TFAP2B: variants seen among roughly 807,000 people sequenced by gnomAD.
TFAP2B encodes transcription factor AP-2 beta.
TFAP2B carries 9 observed loss-of-function variants against 44.3 expected under a neutral mutation model. The ratio of observed to expected loss-of-function variants is 0.20; its 90% confidence interval spans 0.12 to 0.35. The LOEUF (loss-of-function observed/expected upper bound fraction) is 0.35. TFAP2B is among the 10% of genes least tolerant of loss of function. The pLI is 1.00. For synonymous variants in TFAP2B, 270 were observed against 263.8 expected (o/e 1.02, Z -0.23); for missense variants, 509 against 600.0 (o/e 0.85, Z 1.59).
rs780181567 is a variant in TFAP2B, at chr6:50,823,443, C to T, written c.118C>T (p.Leu40Phe). The T allele has an allele frequency of 1.2e-6, 2 of 1,607,434 alleles. No homozygotes were observed. Among genetic ancestry groups the T allele is most frequent in the East Asian group, 4.5e-5 (2 of 44,438 alleles). The change falls in exon 2 of 7, where the codon CTC (leucine) becomes TTC (phenylalanine). Residue 40 changes from leucine to phenylalanine, a missense_variant. Coordinates refer to ENST00000393655, the MANE Select transcript of TFAP2B (RefSeq NM_003221.4). Reference sequence around the variant, plus strand: ...TGGTGTCCCGAGCCACAGCTCGCGGCTCTCCCAGCTGGGCTCGGTGTCCCA... The same window carrying T: ...TGGTGTCCCGAGCCACAGCTCGCGGTTCTCCCAGCTGGGCTCGGTGTCCCA... ...HDGVPSHSSR[L>F]SQLGSVSQGP...
At chr6:50,842,239 C>CGA (rs1433062479) in intron 6 of TFAP2B, among the ~76,000 whole-genome samples, 3 of 152,238 alleles carry the variant, frequency 2.0e-5, no homozygotes, top group Admixed American at 2.0e-4. Flanking sequence ...AGAACCATCC[C>CGA]ATCCAGCTCC....
rs1011830123 is a variant in TFAP2B, at chr6:50,845,379, T to C, written c.*1987T>C. 1 of 152,120 alleles carries C rather than the reference T, an allele frequency of 6.6e-6. No homozygotes were observed. The highest frequency in any genetic ancestry group is 2.4e-5 in the African/African-American group (1 of 41,410). 9.4% of individuals were successfully genotyped at this position (152,120 alleles called of 1,614,324 possible). A position where few individuals can be genotyped will look rare whatever the true frequency, so the allele number is the denominator to read the frequency against. On this transcript the variant is annotated 3_prime_UTR_variant, in exon 7 of 7. Coordinates refer to ENST00000393655, the MANE Select transcript of TFAP2B (RefSeq NM_003221.4). Reference sequence around the variant, plus strand: ...AGGAATCTGCTGAGAGCTTTGCCCATTTTTATTAAAAGAGGAAAGGGAAGT... The same window carrying C: ...AGGAATCTGCTGAGAGCTTTGCCCACTTTTATTAAAAGAGGAAAGGGAAGT...
intron 5 of TFAP2B, 146 bp downstream of exon 5, chr6:50,838,239 G>T: frequency 1.3e-6 from 1 of 757,172 alleles, no homozygotes; most frequent in East Asian, 2.6e-5. Context: ...TCTTGAGAGA[G>T]GTTCAAAGGT....
In TFAP2B at chr6:50,845,619, T is replaced by C. The variant is rs2817420; in HGVS notation, c.*2227T>C. On this transcript the variant is annotated 3_prime_UTR_variant, in exon 7 of 7. Coordinates refer to ENST00000393655, the MANE Select transcript of TFAP2B (RefSeq NM_003221.4). ...GAGGCCTGCGCCTTCGTCCGAGAGCTCGGCCGATCGCATTAGATGTGTTCT... is the reference window on the plus strand; with the variant it reads ...GAGGCCTGCGCCTTCGTCCGAGAGCCCGGCCGATCGCATTAGATGTGTTCT... The C allele has an allele frequency of 0.9, 136,738 of 152,762 alleles. 61,439 individuals carry two copies. The highest frequency in any genetic ancestry group is 1 in the East Asian group (5,139 of 5,146). 9.5% of individuals were successfully genotyped at this position (152,762 alleles called of 1,614,324 possible). A position where few individuals can be genotyped will look rare whatever the true frequency, so the allele number is the denominator to read the frequency against.
Position 50,844,564 on chromosome 6 carries a change from A to G in TFAP2B, c.*1172A>G, listed in dbSNP as rs1201111889. 6.5e-6 allele frequency: 1 copy of G among 152,674 alleles called. No individual in the cohort carries two copies. Among genetic ancestry groups the G allele is most frequent in the African/African-American group, 2.4e-5 (1 of 41,472 alleles). 9.5% of individuals were successfully genotyped at this position (152,674 alleles called of 1,614,324 possible). On this transcript the variant is annotated 3_prime_UTR_variant, in exon 7 of 7. Coordinates refer to ENST00000393655, the MANE Select transcript of TFAP2B (RefSeq NM_003221.4). ...AAGGGAATAATTTAGAAAGTGGCCAATATGATGGAAGCAGCTTTGAATCTA... is the reference window on the plus strand; with the variant it reads ...AAGGGAATAATTTAGAAAGTGGCCAGTATGATGGAAGCAGCTTTGAATCTA...
chr6:50,837,241 G>T (rs1215665734), intron 4 of TFAP2B, among the ~76,000 whole-genome samples: 2 of 152,184 alleles, frequency 1.3e-5, no homozygotes, highest in Non-Finnish European at 2.9e-5. Flanking sequence ...GAAATTAAGG[G>T]TGTGACCCAG....
chr6:50,820,709 G>A (rs1248562120), intron 1 of TFAP2B, among the ~76,000 whole-genome samples: 1 of 152,278 alleles, frequency 6.6e-6, no homozygotes, highest in Non-Finnish European at 1.5e-5. Flanking sequence ...AGCGCCCAAA[G>A]TGGGCATGAC....
intron 3 of TFAP2B, among the ~76,000 whole-genome samples, chr6:50,831,465 G>C (rs1396075458): frequency 6.6e-6 from 1 of 152,122 alleles, no homozygotes; most frequent in African/African-American, 2.4e-5. Flanking sequence ...AGTGGGCGGG[G>C]GGAGTAATGA....
intron 2 of TFAP2B, among the ~76,000 whole-genome samples, chr6:50,824,976 G>A (rs1402342314): frequency 6.6e-6 from 1 of 152,112 alleles, no homozygotes; most frequent in Non-Finnish European, 1.5e-5. Flanking sequence ...TACCTCTGAA[G>A]CAAAGGAAAA....
At chr6:50,824,693 T>A (rs1300874088) in intron 2 of TFAP2B, among the ~76,000 whole-genome samples, 2 of 152,204 alleles carry the variant, frequency 1.3e-5, no homozygotes, top group Non-Finnish European at 2.9e-5. Context: ...TGTTTATTTC[T>A]TAAAACAAAA....
At position 50,843,558 on chromosome 6, in the gene TFAP2B, A is replaced by T. The variant is rs1158952729; in HGVS notation, c.*166A>T. On this transcript the variant is annotated 3_prime_UTR_variant, in exon 7 of 7. Coordinates refer to ENST00000393655, the MANE Select transcript of TFAP2B (RefSeq NM_003221.4). The stretch of plus-strand genomic sequence containing the variant: ...AAAAAAGCTAAATAACTTAAAAAAA[A>T]ACTGAGGCGTACAACGGAGCAACAA... The T allele has an allele frequency of 3.9e-6, 3 of 769,420 alleles. No homozygotes were observed. The highest frequency in any genetic ancestry group is 4.1e-6 in the Non-Finnish European group (2 of 493,046). 47.7% of individuals were successfully genotyped at this position (769,420 alleles called of 1,614,324 possible). A position where few individuals can be genotyped will look rare whatever the true frequency, so the allele number is the denominator to read the frequency against.
chr6:50,822,234 T>G, intron 1 of TFAP2B: 1 of 1,169,628 alleles, frequency 8.5e-7, no homozygotes, highest in Non-Finnish European at 1.2e-6. Context: ...TGCGTCTCTG[T>G]GTGTGTGTGT....
intron 1 of TFAP2B, among the ~76,000 whole-genome samples, chr6:50,822,404 C>T (rs1770378577): frequency 6.6e-6 from 1 of 152,134 alleles, no homozygotes; most frequent in Non-Finnish European, 1.5e-5. Flanking sequence ...AAAAGAAAAA[C>T]TTTTTATTTG....
At chr6:50,840,948 C>T (rs934172236) in intron 6 of TFAP2B, among the ~76,000 whole-genome samples, 2 of 152,254 alleles carry the variant, frequency 1.3e-5, no homozygotes, top group African/African-American at 2.4e-5. Flanking sequence ...GCTGCGTGCG[C>T]CCGCACGTTT....
At position 50,825,610 on chromosome 6, in the gene TFAP2B, C is replaced by T. The variant is rs80012798; in HGVS notation, c.540+1745C>T. Among the ~76,000 whole-genome samples, 4 of 152,288 alleles carry T rather than the reference C, an allele frequency of 2.6e-5. No homozygotes were observed. The East Asian group carries it at 7.7e-4, about 29-fold the overall frequency. On this transcript the variant is annotated intron_variant, in intron 2 of 6. Coordinates refer to ENST00000393655, the MANE Select transcript of TFAP2B (RefSeq NM_003221.4). ...AGAGAAAAACAGGGCCAGATCAGTG[C>T]ACATTTGGGAGAATAGTCTTGTCAA...
chr6:50,823,599 C>A lies in TFAP2B; in HGVS notation c.274C>A (p.Pro92Thr). The change falls in exon 2 of 7, where the codon CCC becomes ACC. Residue 92 changes from proline (P) to threonine (T), a missense_variant. Pro to Thr is a conservative substitution (Grantham distance 38). This residue lies in a region of TFAP2B where 296 missense variants were observed against 308.2 expected (regional missense o/e 0.96). Transcript: ENST00000393655. Reference sequence around the variant, plus strand: ...GGACCCCTACTCCCACGTCAACGACCCCTACTCCCTGAACCCACTGCACCA... The same window carrying A: ...GGACCCCTACTCCCACGTCAACGACACCTACTCCCTGAACCCACTGCACCA... ...SQDPYSHVND[P>T]YSLNPLHQPQ... The A allele has an allele frequency of 6.2e-7, 1 of 1,614,164 alleles. No homozygotes were observed. The highest frequency in any genetic ancestry group is 8.5e-7 in the Non-Finnish European group (1 of 1,180,016).
At chr6:50,826,456 T>C (rs560371984) in intron 2 of TFAP2B, among the ~76,000 whole-genome samples, 55 of 152,262 alleles carry the variant, frequency 3.6e-4, no homozygotes, top group Non-Finnish European at 7.5e-4. Flanking sequence ...TTTTTTTAAA[T>C]GAAACTATAA....
At chr6:50,832,249 C>A (rs1172930878) in intron 3 of TFAP2B, among the ~76,000 whole-genome samples, 2 of 152,154 alleles carry the variant, frequency 1.3e-5, no homozygotes, top group African/African-American at 4.8e-5. Context: ...GTTAGACATT[C>A]TTCTTCAACA....
chr6:50,846,865 A>G lies in TFAP2B; in HGVS notation c.*3473A>G, dbSNP rs984218244. 3.9e-5 allele frequency: 6 copies of G among 152,518 alleles called. No individual in the cohort carries two copies. Among genetic ancestry groups the G allele is most frequent in the African/African-American group, 1.4e-4 (6 of 41,392 alleles). 9.4% of individuals were successfully genotyped at this position (152,518 alleles called of 1,614,324 possible). A position where few individuals can be genotyped will look rare whatever the true frequency, so the allele number is the denominator to read the frequency against. On this transcript the variant is annotated 3_prime_UTR_variant, in exon 7 of 7. Transcript: ENST00000393655. Reference sequence around the variant, plus strand: ...CCATAGCTTTCCTCCATCCCCACTTAAAGAACCGAAGAGGCTTTTAAAGAC... The same window carrying G: ...CCATAGCTTTCCTCCATCCCCACTTGAAGAACCGAAGAGGCTTTTAAAGAC...
Sources: gnomAD v4.1 joint callset for allele counts (sites outside exome capture counted in the v4.1 genomes callset) on GRCh38, gnomAD v4.1.1 for gene constraint, gnomAD v4.1.1 regional missense constraint, MANE v1.5 for transcripts, NCBI Gene and HGNC (gene_info 2026-07-23, HGNC 2026-07-21) for gene names.